The following WDR47 variants were observed in gnomAD, a reference collection of about 807,000 sequenced individuals.
WDR47 encodes the protein WD repeat domain 47, also known as WD repeat-containing protein 47.
WDR47 carries 32 observed loss-of-function variants against 97.2 expected under a neutral mutation model. The observed-to-expected ratio is 0.33, with a 90% confidence interval of 0.25 to 0.44. The LOEUF (loss-of-function observed/expected upper bound fraction) is 0.44, where lower values mean the gene tolerates loss of function less well. Ranked by LOEUF, WDR47 falls within the 20% of genes least tolerant of loss-of-function variation. The probability of loss-of-function intolerance (pLI) is 1.00; values close to 1 mark genes in which losing one functional copy is unlikely to be tolerated. For missense variants in WDR47, 782 were observed against 1,102.3 expected (o/e 0.71, Z 4.11); for synonymous variants, 375 against 373.5 (o/e 1.00, Z -0.05).
intron 5 of WDR47, among the ~76,000 whole-genome samples, chr1:109,005,783 C>T (rs1291032490): frequency 2.6e-5 from 4 of 152,050 alleles, no homozygotes; most frequent in Non-Finnish European, 4.4e-5. Context: ...ACAAGAGAAT[C>T]GCTTGAACCA....
rs560216731 is a variant in WDR47 at position 109,004,684 on chromosome 1, C to T, written c.1162G>A (p.Gly388Ser). 1.1e-5 allele frequency: 18 copies of T among 1,612,912 alleles called. No individual in the cohort carries two copies. Among genetic ancestry groups the T allele is most frequent in the Admixed American group, 6.7e-5 (4 of 59,894 alleles). ...GAACTCTGGCCCAAGATTTCACTGC[C>T]GATAGGCCTCTGTGCATCAACAGGT... The part of the protein sequence containing the change: ...DTPVDAQRPI[G>S]SEILGQSSVS... The change falls in exon 6 of 15, where the codon GGC (glycine) becomes AGC (serine). Residue 388 changes from glycine to serine, a missense_variant. Around this residue, in one of 3 missense-constraint regions of WDR47, gnomAD observed 428 missense variants for 584.3 expected, o/e 0.73. Coordinates refer to ENST00000369962, the MANE Select transcript of WDR47 (RefSeq NM_001142551.2).
chr1:108,983,209 C>T (rs1226538894), intron 11 of WDR47, 73 bp downstream of exon 11: 3 of 1,358,244 alleles, frequency 2.2e-6, no homozygotes, highest in Non-Finnish European at 2.9e-6. Context: ...AAAGACAATA[C>T]AGAAATACAA....
intron 13 of WDR47, among the ~76,000 whole-genome samples, chr1:108,977,150 T>C (rs1301673369): frequency 6.6e-6 from 1 of 151,992 alleles, no homozygotes; most frequent in African/African-American, 2.4e-5. Context: ...AATAGGTAAC[T>C]GGGTTTTTTT....
chr1:109,008,621 T>C (rs1203942642), intron 5 of WDR47, among the ~76,000 whole-genome samples: 1 of 151,238 alleles, frequency 6.6e-6, no homozygotes, highest in African/African-American at 2.4e-5. Flanking sequence ...TCATTATTAT[T>C]TTTTGAGACG....
intron 3 of WDR47, 130 bp downstream of exon 3, chr1:109,017,388 G>A (rs1022541682): frequency 1.3e-6 from 1 of 744,408 alleles, no homozygotes; most frequent in Non-Finnish European, 2.3e-6. Context: ...GGGTGACAGA[G>A]AGAGATCAAT....
At chr1:108,973,279 AAAAT>A (rs910639092) in intron 14 of WDR47, among the ~76,000 whole-genome samples, 18 of 152,082 alleles carry the variant, frequency 1.2e-4, no homozygotes, top group Non-Finnish European at 2.1e-4. Flanking sequence ...ACTCTGTCTC[AAAAT>A]AAATAAATAA....
At chr1:108,974,018 A>AC (rs1657688742) in intron 14 of WDR47, among the ~76,000 whole-genome samples, 1 of 151,496 alleles carries the variant, frequency 6.6e-6, no homozygotes, top group South Asian at 2.1e-4. Context: ...ACATGGCAAA[A>AC]TTTTGTCTCT....
chr1:109,004,158 G>A (rs932212365), intron 6 of WDR47, among the ~76,000 whole-genome samples: 18 of 151,972 alleles, frequency 1.2e-4, no homozygotes, highest in Admixed American at 3.9e-4. Flanking sequence ...CCAGCTACTC[G>A]GGAGGCTGAG....
intron 10 of WDR47, among the ~76,000 whole-genome samples, chr1:108,983,751 A>G (rs1658527171): frequency 6.7e-6 from 1 of 148,736 alleles, no homozygotes; most frequent in African/African-American, 2.5e-5. Flanking sequence ...TCAGAAACAA[A>G]AAAAATTAAA....
At chr1:108,998,551 G>A (rs1329065790) in intron 7 of WDR47, among the ~76,000 whole-genome samples, 1 of 151,998 alleles carries the variant, frequency 6.6e-6, no homozygotes, top group African/African-American at 2.4e-5. Flanking sequence ...TCTTAAAATG[G>A]GCTGGGATGG....
intron 8 of WDR47, chr1:108,992,671 C>T: frequency 6.6e-7 from 1 of 1,506,378 alleles, no homozygotes; most frequent in Non-Finnish European, 9.1e-7. Flanking sequence ...GCCGGACCTA[C>T]AGAGCTCATG....
At chr1:108,973,722 A>C (rs1657655910) in intron 14 of WDR47, among the ~76,000 whole-genome samples, 1 of 152,088 alleles carries the variant, frequency 6.6e-6, no homozygotes, top group African/African-American at 2.4e-5. Context: ...TCTTTACAAA[A>C]AAATTTTTAA....
At chr1:109,003,691 GATGGGGTTTCACC>G (rs1477421283) in intron 6 of WDR47, among the ~76,000 whole-genome samples, 2 of 152,180 alleles carry the variant, frequency 1.3e-5, no homozygotes, top group East Asian at 3.9e-4. Context: ...TTTTAGTAGA[GATGGGGTTTCACC>G]ATGTTGCCTA....
At chr1:109,021,485 G>A (rs1366912558) in intron 2 of WDR47, among the ~76,000 whole-genome samples, 1 of 140,922 alleles carries the variant, frequency 7.1e-6, no homozygotes. Flanking sequence ...CTGAGATCAT[G>A]CCACTGCACC....
At chr1:108,978,368 A>G (rs749101866) in intron 13 of WDR47, among the ~76,000 whole-genome samples, 1 of 151,920 alleles carries the variant, frequency 6.6e-6, no homozygotes, top group Non-Finnish European at 1.5e-5. Context: ...AGTCCCAGCT[A>G]CTCAGGAGGC....
chr1:108,993,121 G>A (rs1247828669), intron 8 of WDR47, among the ~76,000 whole-genome samples: 1 of 152,096 alleles, frequency 6.6e-6, no homozygotes, highest in Non-Finnish European at 1.5e-5. Context: ...GAATCAACCA[G>A]CCTCGCCAAC....
At position 108,974,552 on chromosome 1, in the gene WDR47, C is replaced by T; in HGVS notation, c.2601G>A (p.Lys867=). 1 of 1,614,002 alleles carries T rather than the reference C, an allele frequency of 6.2e-7. No individual in the cohort carries two copies. ...CTCAATCACCTTGTAGGTCTGTCAC[C>T]TTTATTTTCATATCATAAGAGCCTG... ...LLTGSYDMKI[K]VTDLQGDLTK... Residue 867 remains lysine, a synonymous_variant, in exon 14 of 15, where the codon AAG becomes AAA. Transcript: ENST00000369962.
chr1:109,007,928 C>T (rs1181186797), intron 5 of WDR47, among the ~76,000 whole-genome samples: 1 of 151,884 alleles, frequency 6.6e-6, no homozygotes, highest in Non-Finnish European at 1.5e-5. Flanking sequence ...ATGGTGAAAC[C>T]CCGGCTCTAC....
At chr1:109,012,125 A>AT (rs1187963895) in intron 4 of WDR47, among the ~76,000 whole-genome samples, 1 of 152,036 alleles carries the variant, frequency 6.6e-6, no homozygotes, top group African/African-American at 2.4e-5. Flanking sequence ...CAAATATATA[A>AT]TTTTTTAACG....
Sources: gnomAD v4.1 joint callset for allele counts (sites outside exome capture counted in the v4.1 genomes callset) on GRCh38, gnomAD v4.1.1 for gene constraint, gnomAD v4.1.1 regional missense constraint, MANE v1.5 for transcripts, NCBI Gene and HGNC (gene_info 2026-07-23, HGNC 2026-07-21) for gene names.